Variants in CTNNA2 observed in about 807,000 individuals in gnomAD.
CTNNA2 encodes catenin alpha-2.
A neutral mutation model predicts 101.0 loss-of-function variants in CTNNA2; 42 were observed. That is an observed-to-expected ratio of 0.42 (90% confidence interval 0.32 to 0.54). The LOEUF (loss-of-function observed/expected upper bound fraction) is 0.54, where lower values mean the gene tolerates loss of function less well. CTNNA2 is among the 20% of genes least tolerant of loss of function. The probability of loss-of-function intolerance (pLI) is 0.14; values close to 1 mark genes in which losing one functional copy is unlikely to be tolerated. For synonymous variants in CTNNA2, 450 were observed against 456.4 expected (o/e 0.99, Z 0.18); for missense variants, 871 against 1,223.1 (o/e 0.71, Z 4.29).
chr2:79,317,263 T>C (rs1676519118), intron 3 of CTNNA2, among the ~76,000 whole-genome samples: 1 of 152,058 alleles, frequency 6.6e-6, no homozygotes, highest in African/African-American at 2.4e-5. Context: ...AAATCCGACT[T>C]GATTATGGTA....
chr2:80,076,114 A>G (rs970566144), intron 7 of CTNNA2, among the ~76,000 whole-genome samples: 2 of 152,138 alleles, frequency 1.3e-5, no homozygotes, highest in Middle Eastern at 6.8e-3. Context: ...CCTCAATGCC[A>G]CAAAGTCCTC....
intron 4 of CTNNA2, among the ~76,000 whole-genome samples, chr2:79,468,914 A>G (rs1428752051): frequency 2.6e-5 from 4 of 152,206 alleles, no homozygotes; most frequent in Non-Finnish European, 1.5e-5. Context: ...CTAAATACCC[A>G]CAAGAGAAAG....
At chr2:79,972,934 A>G (rs1206058298) in intron 7 of CTNNA2, among the ~76,000 whole-genome samples, 1 of 152,152 alleles carries the variant, frequency 6.6e-6, no homozygotes, top group African/African-American at 2.4e-5. Context: ...GCCTGTTGGC[A>G]TGGTAACGTG....
At chr2:80,315,425 C>T (rs1028554733) in intron 7 of CTNNA2, among the ~76,000 whole-genome samples, 4 of 152,138 alleles carry the variant, frequency 2.6e-5, no homozygotes, top group African/African-American at 7.2e-5. Flanking sequence ...GGAAAATTAG[C>T]AGAAGACTGG....
At chr2:79,687,438 G>T (rs1684006424) in intron 2 of CTNNA2, 2 of 475,592 alleles carry the variant, frequency 4.2e-6, no homozygotes, top group African/African-American at 2.6e-5. Flanking sequence ...AGGTCATTTG[G>T]ATCTGCTTTT....
At chr2:80,609,942 G>A (rs1422331585) in intron 17 of CTNNA2, among the ~76,000 whole-genome samples, 2 of 151,636 alleles carry the variant, frequency 1.3e-5, no homozygotes, top group Non-Finnish European at 2.9e-5. Context: ...AACCATCACT[G>A]GCTTTTATCA....
chr2:80,582,992 T>C (rs555983011), intron 14 of CTNNA2, among the ~76,000 whole-genome samples: 11 of 152,196 alleles, frequency 7.2e-5, no homozygotes, highest in Non-Finnish European at 7.4e-5. Flanking sequence ...CCAAAAGATA[T>C]AAACAAACAT....
chr2:79,985,784 A>G lies in CTNNA2; in HGVS notation c.1056+75987A>G, dbSNP rs898416170. 1.3e-5 allele frequency among the ~76,000 whole-genome samples: 2 copies of G among 152,158 alleles called. 1 individual carries two copies. The highest frequency in any genetic ancestry group is 4.1e-4 in the South Asian group (2 of 4,830). The stretch of plus-strand genomic sequence containing the variant: ...TGCCTAGAGTGTGCCAGCAGCCAGC[A>G]TCCAACCTCCTGGGTGTCTTGTAGC... On this transcript the variant is annotated intron_variant, in intron 7 of 18. Coordinates refer to ENST00000402739, the MANE Select transcript of CTNNA2 (RefSeq NM_001282597.3).
At chr2:80,276,803 C>T (rs545327812) in intron 7 of CTNNA2, among the ~76,000 whole-genome samples, 2 of 152,168 alleles carry the variant, frequency 1.3e-5, no homozygotes, top group Admixed American at 6.5e-5. Context: ...GGGATCCACC[C>T]CCATGACCCA....
intron 1 of CTNNA2, among the ~76,000 whole-genome samples, chr2:79,571,443 C>G (rs570086552): frequency 5.3e-5 from 8 of 152,288 alleles, no homozygotes; most frequent in East Asian, 1.9e-4. Context: ...AGGGAGCATC[C>G]TAAGTCCTTT....
chr2:79,362,154 C>A (rs1677645680), intron 3 of CTNNA2, among the ~76,000 whole-genome samples: 1 of 152,190 alleles, frequency 6.6e-6, no homozygotes. Context: ...CCAGCTGTGC[C>A]AACCAGGAAC....
At chr2:80,494,706 AT>A (rs1431929928) in intron 9 of CTNNA2, among the ~76,000 whole-genome samples, 3 of 152,192 alleles carry the variant, frequency 2.0e-5, no homozygotes, top group African/African-American at 7.2e-5. Flanking sequence ...CATATTAAGT[AT>A]GTCTTATGTC....
At chr2:79,612,136 A>T (rs1016822949) in intron 1 of CTNNA2, among the ~76,000 whole-genome samples, 7 of 152,178 alleles carry the variant, frequency 4.6e-5, no homozygotes, top group Admixed American at 4.6e-4. Flanking sequence ...AAACAAGTTT[A>T]TGGGTTAGTA....
chr2:80,641,086 G>A (rs550203912), intron 18 of CTNNA2, among the ~76,000 whole-genome samples: 1 of 152,274 alleles, frequency 6.6e-6, no homozygotes, highest in South Asian at 2.1e-4. Context: ...ACTCATTAGT[G>A]TTATTGGCTC....
chr2:80,621,673 C>T (rs1369423371), intron 18 of CTNNA2, among the ~76,000 whole-genome samples: 1 of 151,864 alleles, frequency 6.6e-6, no homozygotes, highest in Non-Finnish European at 1.5e-5. Flanking sequence ...TTAAAATTAC[C>T]TATGTAATAT....
chr2:79,889,215 G>A (rs1173806165), intron 6 of CTNNA2, among the ~76,000 whole-genome samples: 2 of 152,108 alleles, frequency 1.3e-5, no homozygotes, highest in African/African-American at 2.4e-5. Context: ...ACAACTGCAC[G>A]TGAAGCATCC....
At chr2:79,937,097 A>C (rs914797696) in intron 7 of CTNNA2, among the ~76,000 whole-genome samples, 3 of 152,214 alleles carry the variant, frequency 2.0e-5, no homozygotes, top group African/African-American at 7.2e-5. Context: ...ATGGAAAACA[A>C]ATATTCATAA....
At chr2:80,462,487 A>C (rs1371959774) in intron 9 of CTNNA2, among the ~76,000 whole-genome samples, 1 of 152,038 alleles carries the variant, frequency 6.6e-6, no homozygotes. Context: ...AGGCAGCATC[A>C]TTTACTCATT....
chr2:80,564,888 A>C (rs1227185960), intron 12 of CTNNA2, among the ~76,000 whole-genome samples: 1 of 152,210 alleles, frequency 6.6e-6, no homozygotes, highest in Non-Finnish European at 1.5e-5. Flanking sequence ...TGATGTCTCA[A>C]GACAGAAGAG....
Sources: allele counts gnomAD v4.1 joint callset (sites outside exome capture counted in the v4.1 genomes callset), GRCh38; gene constraint gnomAD v4.1.1; transcripts MANE v1.5; gene names NCBI Gene and HGNC (gene_info 2026-07-23, HGNC 2026-07-21).